TMEM132C: variants seen among roughly 807,000 people sequenced by gnomAD.
TMEM132C encodes transmembrane protein 132C, also known as protein phosphatase 1, regulatory subunit 152.
A neutral mutation model predicts 61.4 loss-of-function variants in TMEM132C; 29 were observed. That is an observed-to-expected ratio of 0.47 (90% confidence interval 0.35 to 0.64). The LOEUF is 0.64. Ranked by LOEUF, TMEM132C falls within the 30% of genes least tolerant of loss-of-function variation. The probability of loss-of-function intolerance (pLI) is 0.00; values close to 1 mark genes in which losing one functional copy is unlikely to be tolerated. For synonymous variants in TMEM132C, 656 were observed against 633.1 expected (o/e 1.04, Z -0.54); for missense variants, 1,408 against 1,476.9 (o/e 0.95, Z 0.76).
Position 128,415,562 on chromosome 12 carries a change from G to A in TMEM132C, c.916G>A (p.Val306Met), listed in dbSNP as rs2136022383. The A allele has an allele frequency of 6.4e-7, 1 of 1,550,978 alleles. No homozygotes were observed. The highest frequency in any genetic ancestry group is 8.7e-7 in the Non-Finnish European group (1 of 1,146,866). Residue 306 changes from valine (V) to methionine (M), a missense_variant, in exon 2 of 9, where the codon GTG (valine) becomes ATG (methionine). Transcript: ENST00000435159. The surrounding 1 kb of genome is among the most constrained non-coding windows in gnomAD (Gnocchi z 5.8). ...TTCCAGGCCAGTCAAGCAGGGAGAG[G>A]TGGTCACGGCCTATGTCACCATCTC... ...LPSRPVKQGE[V>M]VTAYVTISSN...
At chr12:128,587,152 ATAGG>A (rs1565982720) in intron 3 of TMEM132C, among the ~76,000 whole-genome samples, 1 of 152,240 alleles carries the variant, frequency 6.6e-6, no homozygotes, top group Non-Finnish European at 1.5e-5. Flanking sequence ...CACTGGCCAA[ATAGG>A]CCTTATTGCC....
intron 2 of TMEM132C, among the ~76,000 whole-genome samples, chr12:128,511,013 A>T (rs114963778): frequency 0.01 from 1,547 of 152,044 alleles, 18 homozygotes; most frequent in African/African-American, 0.035. Flanking sequence ...CTGCTGGAGG[A>T]CCTCCTCCTT....
At chr12:128,311,852 C>T (rs1245416226) in intron 1 of TMEM132C, among the ~76,000 whole-genome samples, 5 of 152,362 alleles carry the variant, frequency 3.3e-5, no homozygotes, top group South Asian at 2.1e-4. Flanking sequence ...ACCACCTCTA[C>T]GCAGTGTTTT....
chr12:128,354,211 G>A (rs930198223), intron 1 of TMEM132C, among the ~76,000 whole-genome samples: 3 of 152,008 alleles, frequency 2.0e-5, no homozygotes, highest in Non-Finnish European at 2.9e-5. Flanking sequence ...GCCCCTAGGT[G>A]TGTGAGTCCC....
intron 1 of TMEM132C, among the ~76,000 whole-genome samples, chr12:128,406,074 A>G (rs1436676327): frequency 6.6e-6 from 1 of 152,226 alleles, no homozygotes; most frequent in Admixed American, 6.5e-5. Context: ...AAGTTTCCTT[A>G]ACACCTCTGA....
At chr12:128,540,185 G>A (rs1028961685) in intron 2 of TMEM132C, among the ~76,000 whole-genome samples, 1 of 152,022 alleles carries the variant, frequency 6.6e-6, no homozygotes, top group Non-Finnish European at 1.5e-5. Flanking sequence ...TTAAGATATA[G>A]CAGTCATTTT....
intron 3 of TMEM132C, among the ~76,000 whole-genome samples, chr12:128,610,228 T>A (rs1238697430): frequency 6.6e-6 from 1 of 152,218 alleles, no homozygotes; most frequent in African/African-American, 2.4e-5. Flanking sequence ...CTGAAGCGGC[T>A]TCCCTATGAG....
At chr12:128,495,967 G>A (rs1368412148) in intron 2 of TMEM132C, among the ~76,000 whole-genome samples, 1 of 152,196 alleles carries the variant, frequency 6.6e-6, no homozygotes, top group Non-Finnish European at 1.5e-5. Flanking sequence ...GCAGTGGCTA[G>A]TACCGGTTGT....
At chr12:128,692,353 C>A (rs935057744) in intron 5 of TMEM132C, among the ~76,000 whole-genome samples, 1 of 152,190 alleles carries the variant, frequency 6.6e-6, no homozygotes, top group Non-Finnish European at 1.5e-5. Flanking sequence ...AGGTAAGGAA[C>A]CCAGAGGTGA....
At chr12:128,532,682 T>C (rs1207295681) in intron 2 of TMEM132C, among the ~76,000 whole-genome samples, 1 of 132,904 alleles carries the variant, frequency 7.5e-6, no homozygotes, top group Non-Finnish European at 1.6e-5. Flanking sequence ...AGTAGCCAAA[T>C]TAGAGAAACA....
intron 3 of TMEM132C, among the ~76,000 whole-genome samples, chr12:128,566,672 T>C (rs1342581638): frequency 6.6e-6 from 1 of 152,230 alleles, no homozygotes; most frequent in African/African-American, 2.4e-5. Context: ...GAATCTTCCA[T>C]CAGAGGAGTA....
intron 1 of TMEM132C, among the ~76,000 whole-genome samples, chr12:128,296,879 G>A (rs1344543353): frequency 6.6e-6 from 1 of 152,034 alleles, no homozygotes; most frequent in Admixed American, 6.6e-5. Flanking sequence ...ATAAATATAT[G>A]ATAATATAAA....
At chr12:128,686,040 CGCGCGTGTGTGCATGTGTGTGTGTGCAT>C (rs1231072371) in intron 5 of TMEM132C, among the ~76,000 whole-genome samples, 2 of 130,796 alleles carry the variant, frequency 1.5e-5, no homozygotes, top group East Asian at 4.6e-4. Flanking sequence ...TGTGTGTATT[CGCGCGTGTGTGCATGTGTGTGTGTGCAT>C]GCGTGTGTGC....
At chr12:128,298,224 A>G (rs1329376586) in intron 1 of TMEM132C, among the ~76,000 whole-genome samples, 1 of 152,066 alleles carries the variant, frequency 6.6e-6, no homozygotes, top group Non-Finnish European at 1.5e-5. Flanking sequence ...TGTTCCAGAA[A>G]CTAACCCATG....
chr12:128,688,144 G>A (rs2101506), intron 5 of TMEM132C, among the ~76,000 whole-genome samples: 47,914 of 152,096 alleles, frequency 0.32, 8,150 homozygotes, highest in Non-Finnish European at 0.37. Flanking sequence ...CTGGACAGTG[G>A]CCTCTCTCAG....
At chr12:128,589,560 G>A (rs557266647) in intron 3 of TMEM132C, among the ~76,000 whole-genome samples, 10 of 142,208 alleles carry the variant, frequency 7.0e-5, no homozygotes, top group South Asian at 2.3e-4. Flanking sequence ...GCGTCGTGAC[G>A]CATCGTATAG....
intron 4 of TMEM132C, among the ~76,000 whole-genome samples, chr12:128,631,243 G>GA (rs1214304436): frequency 5.9e-5 from 9 of 151,978 alleles, no homozygotes; most frequent in Admixed American, 2.0e-4. Context: ...AAATTGGCTA[G>GA]AAAAAAAGAG....
intron 6 of TMEM132C, 65 bp from the exon 7 acceptor site, chr12:128,695,765 C>T: frequency 6.8e-7 from 1 of 1,459,992 alleles, no homozygotes; most frequent in Non-Finnish European, 9.1e-7. Flanking sequence ...TGAGCGCCTG[C>T]CTGTCTCAAG....
intron 2 of TMEM132C, among the ~76,000 whole-genome samples, chr12:128,522,311 CA>C (rs1420675612): frequency 6.6e-6 from 1 of 152,206 alleles, no homozygotes; most frequent in African/African-American, 2.4e-5. Flanking sequence ...CATTTTCATA[CA>C]TGCAGTTGGT....
Sources: allele counts gnomAD v4.1 joint callset (sites outside exome capture counted in the v4.1 genomes callset), GRCh38; gene constraint gnomAD v4.1.1; non-coding constraint Gnocchi (gnomAD v3.1); transcripts MANE v1.5; gene names NCBI Gene and HGNC (gene_info 2026-07-23, HGNC 2026-07-21).